RYR2: variants seen among roughly 807,000 people sequenced by gnomAD.
RYR2 encodes cardiac muscle ryanodine receptor-calcium release channel.
Under a neutral mutation model 601.1 loss-of-function variants are expected in RYR2, and 227 were observed. That is an observed-to-expected ratio of 0.38 (90% CI 0.34 to 0.42). The LOEUF is 0.42. Ranked by LOEUF, RYR2 falls within the 10% of genes least tolerant of loss-of-function variation. The probability of loss-of-function intolerance (pLI) is 1.00; values close to 1 mark genes in which losing one functional copy is unlikely to be tolerated. For missense variants in RYR2, 4,646 were observed against 6,156.5 expected (o/e 0.75, Z 8.21); for synonymous variants, 2,223 against 2,175.1 (o/e 1.02, Z -0.61).
At chr1:237,825,839 C>T (rs1023538967) in intron 101 of RYR2, among the ~76,000 whole-genome samples, 2 of 152,106 alleles carry the variant, frequency 1.3e-5, no homozygotes, top group African/African-American at 4.8e-5. Context: ...CAAACAACCC[C>T]ATCAAAAAGT....
chr1:237,742,705 T>G (rs1181131214), intron 80 of RYR2, among the ~76,000 whole-genome samples: 1 of 152,214 alleles, frequency 6.6e-6, no homozygotes, highest in Admixed American at 6.5e-5. Context: ...AGTTTTTCAG[T>G]AAACCCTTGG....
chr1:237,534,535 C>T (rs781023309), intron 25 of RYR2, among the ~76,000 whole-genome samples: 5 of 152,012 alleles, frequency 3.3e-5, no homozygotes, highest in Non-Finnish European at 5.9e-5. Context: ...ACATTAGACA[C>T]TGATATCGTA....
At position 237,830,556 on chromosome 1, in the gene RYR2, C is replaced by T; in HGVS notation, c.14682C>T (p.Gly4894=). 6.2e-7 allele frequency: 1 copy of T among 1,608,026 alleles called. No individual in the cohort carries two copies. The change falls in exon 103 of 105, where the codon GGC becomes GGT. Residue 4894 remains glycine (G), a synonymous_variant. Coordinates refer to ENST00000366574, the MANE Select transcript of RYR2 (RefSeq NM_001035.3). ...METKCFICGI[G]NDYFDTVPHG... is the part of the protein sequence containing the mutation. Reference sequence around the variant, plus strand: ...CCAAATGCTTCATCTGTGGGATAGGCAATGATTACTTCGACACAGTGCCAC... The same window carrying T: ...CCAAATGCTTCATCTGTGGGATAGGTAATGATTACTTCGACACAGTGCCAC...
At chr1:237,326,214 C>T (rs1230204338) in intron 2 of RYR2, among the ~76,000 whole-genome samples, 1 of 151,698 alleles carries the variant, frequency 6.6e-6, no homozygotes, top group African/African-American at 2.4e-5. Flanking sequence ...AGATTTTTTT[C>T]CCCCTCTAAG....
rs181582206 is a variant in RYR2, at chr1:237,581,120, C to T, written c.3599-8673C>T. ...CAGTAGTTTGAAGAGCTAACCATATCCTTAATTAAAAATAAGTGAGAGAGT... is the reference window on the plus strand; with the variant it reads ...CAGTAGTTTGAAGAGCTAACCATATTCTTAATTAAAAATAAGTGAGAGAGT... On this transcript the variant is annotated intron_variant, in intron 29 of 104. Coordinates refer to ENST00000366574, the MANE Select transcript of RYR2 (RefSeq NM_001035.3). Among the ~76,000 whole-genome samples, 100 of 152,312 alleles carry T rather than the reference C, an allele frequency of 6.6e-4. 1 individual carries two copies. Among genetic ancestry groups the T allele is most frequent in the African/African-American group, 2.3e-3 (96 of 41,570 alleles).
At chr1:237,545,694 T>C (rs959886274) in intron 25 of RYR2, among the ~76,000 whole-genome samples, 1 of 151,840 alleles carries the variant, frequency 6.6e-6, no homozygotes, top group Non-Finnish European at 1.5e-5. Flanking sequence ...AATTAGACTA[T>C]GCTAGCTTGA....
chr1:237,084,061 A>C (rs2148416173), intron 1 of RYR2, among the ~76,000 whole-genome samples: 1 of 152,266 alleles, frequency 6.6e-6, no homozygotes. Flanking sequence ...TCACTGTCCA[A>C]GTGTGAATGC....
intron 29 of RYR2, among the ~76,000 whole-genome samples, chr1:237,570,982 C>T (rs1672623200): frequency 6.6e-6 from 1 of 152,006 alleles, no homozygotes; most frequent in Non-Finnish European, 1.5e-5. Flanking sequence ...AAAAAATTAG[C>T]CAGTTGTGGT....
intron 28 of RYR2, among the ~76,000 whole-genome samples, chr1:237,568,009 A>T (rs1266359531): frequency 1.3e-5 from 2 of 152,160 alleles, no homozygotes; most frequent in East Asian, 3.9e-4. Context: ...TAAACTTCAA[A>T]AAATAAAATA....
Position 237,614,264 on chromosome 1 carries a change from C to T in RYR2, c.5136C>T (p.Ser1712=), listed in dbSNP as rs397516540. 43 of 1,613,922 alleles carry T rather than the reference C, an allele frequency of 2.7e-5. No homozygotes were observed. The Admixed American group carries it at 5.2e-4, about 19-fold the overall frequency. Residue 1712 remains serine (S), a synonymous_variant, in exon 37 of 105, where the codon AGC becomes AGT. Transcript: ENST00000366574. This position sits in a 1 kb window ranked among gnomAD's most constrained non-coding sequence, Gnocchi z 4.3. The part of the protein sequence containing the change: ...YYDLLIDIHL[S]SYATARLMMN... Reference sequence around the variant, plus strand: ...ACCTGCTGATTGACATCCACCTGAGCTCCTATGCCACTGCCAGGCTCATGA... The same window carrying T: ...ACCTGCTGATTGACATCCACCTGAGTTCCTATGCCACTGCCAGGCTCATGA...
intron 62 of RYR2, 42 bp downstream of exon 62, chr1:237,680,619 G>A: frequency 6.6e-7 from 1 of 1,512,614 alleles, no homozygotes; most frequent in Non-Finnish European, 8.9e-7. Flanking sequence ...TGACTTAGGT[G>A]TATATGCAGT....
chr1:237,219,756 C>A (rs1213352019), intron 1 of RYR2, among the ~76,000 whole-genome samples: 2 of 152,162 alleles, frequency 1.3e-5, no homozygotes, highest in African/African-American at 4.8e-5. Context: ...GAGATAGCTA[C>A]TGAAATCCAG....
intron 1 of RYR2, among the ~76,000 whole-genome samples, chr1:237,189,389 A>C (rs892414484): frequency 5.3e-5 from 8 of 152,120 alleles, no homozygotes. Flanking sequence ...TCTCTTTGAG[A>C]TTCTGCATCT....
chr1:237,477,664 T>A (rs1048511169), intron 17 of RYR2, among the ~76,000 whole-genome samples: 1 of 152,166 alleles, frequency 6.6e-6, no homozygotes, highest in Non-Finnish European at 1.5e-5. Flanking sequence ...TTCCGTCAAG[T>A]TTAAGTGTCT....
chr1:237,585,795 C>T (rs1674459454), intron 29 of RYR2, among the ~76,000 whole-genome samples: 1 of 152,070 alleles, frequency 6.6e-6, no homozygotes, highest in Admixed American at 6.6e-5. Context: ...GGGACCAAAA[C>T]AGTAAAGCAA....
Position 237,595,518 on chromosome 1 carries a change from A to G in RYR2, c.4457A>G (p.Tyr1486Cys), listed in dbSNP as rs1353376223. The G allele has an allele frequency of 5.6e-6, 9 of 1,612,394 alleles. No homozygotes were observed. The highest frequency in any genetic ancestry group is 1.3e-5 in the African/African-American group (1 of 74,870). ...TTCAGCATCAAACGCAGCAACTGCT[A>G]TATGGTATGTGCGGGTGAGAGCATG... is the stretch of plus-strand genomic sequence containing the variant. Reference protein sequence around the residue: ...VHESIKRSNCYMVCAGESMSP... With the variant: ...VHESIKRSNCCMVCAGESMSP... Residue 1486 changes from tyrosine to cysteine, a missense_variant, in exon 34 of 105, where the codon TAT (tyrosine) becomes TGT (cysteine). Physicochemically the swap from Tyr to Cys is radical, Grantham distance 194. Transcript: ENST00000366574.
At chr1:237,278,590 A>T (rs772521131) in intron 2 of RYR2, among the ~76,000 whole-genome samples, 1 of 152,202 alleles carries the variant, frequency 6.6e-6, no homozygotes, top group African/African-American at 2.4e-5. Flanking sequence ...GTAGGAGATA[A>T]GTGAATATAA....
At chr1:237,147,743 T>G (rs1052677743) in intron 1 of RYR2, among the ~76,000 whole-genome samples, 13 of 152,228 alleles carry the variant, frequency 8.5e-5, no homozygotes, top group African/African-American at 3.1e-4. Context: ...GCCTTGAATG[T>G]TTGTTGAACT....
At chr1:237,714,506 TG>T (rs1431861741) in intron 71 of RYR2, among the ~76,000 whole-genome samples, 1 of 152,200 alleles carries the variant, frequency 6.6e-6, no homozygotes. Flanking sequence ...GCACTGTTTT[TG>T]CTCAAATCTA....
Sources: allele counts gnomAD v4.1 joint callset (sites outside exome capture counted in the v4.1 genomes callset), GRCh38; gene constraint gnomAD v4.1.1; non-coding constraint Gnocchi (gnomAD v3.1); transcripts MANE v1.5; gene names NCBI Gene and HGNC (gene_info 2026-07-23, HGNC 2026-07-21).